Variants in ADD2 observed in about 807,000 individuals in gnomAD.
ADD2 encodes the protein adducin 2, also known as beta-adducin.
A neutral mutation model predicts 83.0 loss-of-function variants in ADD2; 23 were observed. That is an observed-to-expected ratio of 0.28 (90% CI 0.20 to 0.39). The LOEUF (loss-of-function observed/expected upper bound fraction) is 0.39. Among genes scored for constraint, ADD2 ranks in the 10% least tolerant of loss-of-function variants. The pLI is 1.00. For synonymous variants in ADD2, 375 were observed against 375.4 expected (o/e 1.00, Z 0.01); for missense variants, 758 against 944.9 (o/e 0.80, Z 2.59).
chr2:70,658,064 A>G lies in ADD2; in HGVS notation c.*5361T>C, dbSNP rs1675421721. The G allele has an allele frequency of 6.6e-6, 1 of 152,260 alleles. No homozygotes were observed. Among genetic ancestry groups the G allele is most frequent in the Admixed American group, 6.5e-5 (1 of 15,288 alleles). The allele number at this position is 152,260 out of a possible 1,614,324, so 9.4% of individuals were successfully genotyped here. A position where few individuals can be genotyped will look rare whatever the true frequency, so the allele number is the denominator to read the frequency against. On this transcript the variant is annotated 3_prime_UTR_variant, in exon 16 of 16. Transcript: ENST00000264436. The stretch of plus-strand genomic sequence containing the variant: ...TAGCCAAACCTAATATCACCTAAGT[A>G]TGAACCAATGCGACCCATTGTTTCT...
intron 15 of ADD2, among the ~76,000 whole-genome samples, chr2:70,665,074 C>T (rs1284182776): frequency 2.0e-5 from 3 of 152,010 alleles, no homozygotes; most frequent in Non-Finnish European, 2.9e-5. Flanking sequence ...AGAAGGAACC[C>T]GGCATGCTGA....
chr2:70,658,088 C>G lies in ADD2; in HGVS notation c.*5337G>C, dbSNP rs1553364400. 2 of 152,214 alleles carry G rather than the reference C, an allele frequency of 1.3e-5. No homozygotes were observed. Among genetic ancestry groups the G allele is most frequent in the Non-Finnish European group, 2.9e-5 (2 of 68,038 alleles). The allele number at this position is 152,214 out of a possible 1,614,324, so 9.4% of individuals were successfully genotyped here. On this transcript the variant is annotated 3_prime_UTR_variant, in exon 16 of 16. Coordinates refer to ENST00000264436, the MANE Select transcript of ADD2 (RefSeq NM_001617.4). Reference sequence around the variant, plus strand: ...TATGAACCAATGCGACCCATTGTTTCTGTATACATAAGAACACTCCCAGCT... The same window carrying G: ...TATGAACCAATGCGACCCATTGTTTGTGTATACATAAGAACACTCCCAGCT...
In ADD2 at chr2:70,683,727, A is replaced by T. The variant is rs910703346; in HGVS notation, c.989T>A (p.Ile330Asn). The change falls in exon 10 of 16, where the codon ATC becomes AAC. Residue 330 changes from isoleucine to asparagine, a missense_variant. Physicochemically the swap from Ile to Asn is moderately radical, Grantham distance 149 (BLOSUM62 -3). This residue lies in a region of ADD2 where 394 missense variants were observed against 509.3 expected (regional missense o/e 0.77). Transcript: ENST00000264436. ...CCGGTGCTTCTCCTGCTCCAGGAGG[A>T]TGAGGTTCTCCACTCCCCCGGCACT... ...LSSAGGVENL[I>N]LLEQEKHRPH... The T allele has an allele frequency of 6.2e-7, 1 of 1,614,074 alleles. No individual in the cohort carries two copies. The highest frequency in any genetic ancestry group is 8.5e-7 in the Non-Finnish European group (1 of 1,179,972).
In ADD2 at chr2:70,663,508, T is replaced by G; in HGVS notation, c.2098A>C (p.Lys700Gln). The G allele has an allele frequency of 6.2e-7, 1 of 1,614,114 alleles. No individual in the cohort carries two copies. Among genetic ancestry groups the G allele is most frequent in the Non-Finnish European group, 8.5e-7 (1 of 1,179,990 alleles). Residue 700 changes from lysine (K) to glutamine (Q), a missense_variant, in exon 16 of 16, where the codon AAG (lysine) becomes CAG (glutamine). Physicochemically the swap from Lys to Gln is moderately conservative, Grantham distance 53 (BLOSUM62 1). Around this residue, in one of 5 missense-constraint regions of ADD2, gnomAD observed 165 missense variants for 176.2 expected, o/e 0.94. Transcript: ENST00000264436. ...TTCTTTTTCTTCTTTGAGGGAGACT[T>G]GGAAGGTGAGCCCTCTGGGGACATG... ...GPMSPEGSPS[K>Q]SPSKKKKKFR...
At chr2:70,699,545 G>A (rs1202669294) in intron 4 of ADD2, among the ~76,000 whole-genome samples, 13 of 152,144 alleles carry the variant, frequency 8.5e-5, no homozygotes, top group African/African-American at 1.7e-4. Flanking sequence ...TCTGGGAAGC[G>A]GATGCAGAAA....
At chr2:70,767,461 C>G (rs1675450001) in intron 1 of ADD2, 1 of 240,190 alleles carries the variant, frequency 4.2e-6, no homozygotes, top group South Asian at 1.6e-4. Context: ...CCAAGCCCGC[C>G]TCGCACCGCT....
intron 1 of ADD2, chr2:70,767,233 G>A (rs1675434570): frequency 6.5e-6 from 1 of 152,740 alleles, no homozygotes; most frequent in South Asian, 2.1e-4. Flanking sequence ...AGGGAAGATG[G>A]AAGAAACAGA....
intron 1 of ADD2, among the ~76,000 whole-genome samples, chr2:70,750,802 T>C (rs1674467979): frequency 6.6e-6 from 1 of 152,176 alleles, no homozygotes; most frequent in South Asian, 2.1e-4. Context: ...CCTGGGAAAT[T>C]AATATACTCT....
At chr2:70,690,742 G>T in intron 8 of ADD2, 44 bp downstream of exon 8, 2 of 1,574,586 alleles carry the variant, frequency 1.3e-6, no homozygotes, top group South Asian at 2.4e-5. Flanking sequence ...GTTGGCTTTT[G>T]ACAATGCCAC....
Position 70,721,613 on chromosome 2 carries a change from G to A in ADD2, c.-153-8429C>T, listed in dbSNP as rs77023073. ...ACAACCTTCAGGGAAAATAGCTTCCGGCAAAATGTGTTGAGAAAGCCACGT... is the reference window on the plus strand; with the variant it reads ...ACAACCTTCAGGGAAAATAGCTTCCAGCAAAATGTGTTGAGAAAGCCACGT... On this transcript the variant is annotated intron_variant, in intron 1 of 15. Transcript: ENST00000264436. 7.3e-4 allele frequency among the ~76,000 whole-genome samples: 111 copies of A among 152,238 alleles called. No individual in the cohort carries two copies. The East Asian group carries it at 0.02, about 28-fold the overall frequency.
rs187604791 is a variant in ADD2 at position 70,707,104 on chromosome 2, C to T, written c.-34-662G>A. Among the ~76,000 whole-genome samples the T allele has an allele frequency of 4.6e-5, 7 of 152,316 alleles. No individual in the cohort carries two copies. The South Asian group carries it at 6.2e-4, about 14-fold the overall frequency. ...ACAGGAACTACTGAAACGTGGGAAGCGCTTTGCCCAATGCTTTTCTTTACA... is the reference window on the plus strand; with the variant it reads ...ACAGGAACTACTGAAACGTGGGAAGTGCTTTGCCCAATGCTTTTCTTTACA... On this transcript the variant is annotated intron_variant, in intron 2 of 15. Coordinates refer to ENST00000264436, the MANE Select transcript of ADD2 (RefSeq NM_001617.4).
At chr2:70,730,785 T>G (rs1220934126) in intron 1 of ADD2, among the ~76,000 whole-genome samples, 1 of 152,214 alleles carries the variant, frequency 6.6e-6, no homozygotes, top group East Asian at 1.9e-4. Context: ...TTTCTATGTC[T>G]AGATACACAA....
In ADD2 at chr2:70,713,078, C is replaced by A. The variant is rs1672281780; in HGVS notation, c.-47G>T. ...ACTGCTTACTTACCGGGAGGCTGGC[C>A]CAGCCCTGTCCAAGGCTCCTTCTGT... On this transcript the variant is annotated 5_prime_UTR_variant, in exon 2 of 16. Coordinates refer to ENST00000264436, the MANE Select transcript of ADD2 (RefSeq NM_001617.4). 2 of 985,518 alleles carry A rather than the reference C, an allele frequency of 2.0e-6. No individual in the cohort carries two copies. The highest frequency in any genetic ancestry group is 2.4e-6 in the Non-Finnish European group (2 of 830,026). The allele number at this position is 985,518 out of a possible 1,614,324, so 61.0% of individuals were successfully genotyped here.
chr2:70,735,112 A>G (rs1465460556), intron 1 of ADD2, among the ~76,000 whole-genome samples: 2 of 152,184 alleles, frequency 1.3e-5, no homozygotes, highest in Admixed American at 6.5e-5. Context: ...GCTTTTTCCA[A>G]CTGTCACAGT....
intron 6 of ADD2, among the ~76,000 whole-genome samples, chr2:70,693,058 A>T (rs564782390): frequency 6.6e-6 from 1 of 152,290 alleles, no homozygotes; most frequent in East Asian, 1.9e-4. Flanking sequence ...ACGAGGCTCA[A>T]AGAGGCTGCG....
intron 4 of ADD2, among the ~76,000 whole-genome samples, chr2:70,698,506 C>A (rs1416112856): frequency 1.3e-5 from 2 of 152,222 alleles, no homozygotes; most frequent in African/African-American, 2.4e-5. Context: ...TTTGAAAGTA[C>A]AATAGGGCAA....
rs186352841 is a variant in ADD2, at chr2:70,746,164, T to A, written c.-154+21722A>T. On this transcript the variant is annotated intron_variant, in intron 1 of 15. Coordinates refer to ENST00000264436, the MANE Select transcript of ADD2 (RefSeq NM_001617.4). The stretch of plus-strand genomic sequence containing the variant: ...CGAACCAAGCAAGAATATTCCAACT[T>A]GCTTTGTAAGGCCCAGCTCAAATGT... 2.6e-5 allele frequency among the ~76,000 whole-genome samples: 4 copies of A among 152,302 alleles called. No individual in the cohort carries two copies. In the East Asian group the frequency reaches 5.8e-4, roughly 22 times the overall value.
In ADD2 at chr2:70,695,847, C is replaced by T. The variant is rs374555226; in HGVS notation, c.475-46G>A. The T allele has an allele frequency of 1.9e-5, 29 of 1,546,836 alleles. 1 individual carries two copies. In the African/African-American group the frequency reaches 1.9e-4, roughly 10 times the overall value. Reference sequence around the variant, plus strand: ...CTCAGGGGCAAGGAGGGAGAAAGGACATTTCCAAGGACACTGTGCTTGAAT... The same window carrying T: ...CTCAGGGGCAAGGAGGGAGAAAGGATATTTCCAAGGACACTGTGCTTGAAT... On this transcript the variant is annotated intron_variant, in intron 5 of 15. Transcript: ENST00000264436.
intron 15 of ADD2, among the ~76,000 whole-genome samples, chr2:70,668,930 C>T (rs758062): frequency 0.48 from 73,224 of 152,076 alleles, 19,308 homozygotes; most frequent in African/African-American, 0.72. Flanking sequence ...TCCTGACCTA[C>T]ATTCCAAATG....
Sources: gnomAD v4.1 joint callset for allele counts (sites outside exome capture counted in the v4.1 genomes callset) on GRCh38, gnomAD v4.1.1 for gene constraint, gnomAD v4.1.1 regional missense constraint, MANE v1.5 for transcripts, NCBI Gene and HGNC (gene_info 2026-07-23, HGNC 2026-07-21) for gene names.